ALMS1: variants seen among roughly 807,000 people sequenced by gnomAD.
ALMS1 encodes centrosome-associated protein ALMS1.
Under a neutral mutation model 352.2 loss-of-function variants are expected in ALMS1, and 271 were observed. The observed-to-expected ratio is 0.77, with a 90% CI of 0.70 to 0.85. ALMS1 has a LOEUF of 0.85. Ranked by LOEUF, ALMS1 falls within the 40% of genes least tolerant of loss-of-function variation. The pLI is 0.00. For synonymous variants in ALMS1, 1,865 were observed against 1,761.2 expected (o/e 1.06, Z -1.48); for missense variants, 5,445 against 4,870.7 (o/e 1.12, Z -3.51).
chr2:73,468,030 A>G (rs1265320418), intron 9 of ALMS1, among the ~76,000 whole-genome samples: 2 of 152,062 alleles, frequency 1.3e-5, no homozygotes, highest in Non-Finnish European at 2.9e-5. Context: ...GTCATCACAT[A>G]TAAAAAATAA....
chr2:73,470,365 G>GT (rs1158047936), intron 9 of ALMS1: 1 of 151,498 alleles, frequency 6.6e-6, no homozygotes, highest in East Asian at 1.9e-4. Context: ...GCTTCATCCT[G>GT]TAAGTGTTCA....
rs1324479976 is a variant in ALMS1, at chr2:73,451,368, C to T, written c.4841C>T (p.Pro1614Leu). The T allele has an allele frequency of 6.2e-7, 1 of 1,613,984 alleles. No individual in the cohort carries two copies. Residue 1614 changes from proline to leucine, a missense_variant, in exon 8 of 23, where the codon CCT (proline) becomes CTT (leucine). Physicochemically the swap from Pro to Leu is moderately conservative, Grantham distance 98 (BLOSUM62 -3). Transcript: ENST00000613296. ...AAAAAGACTGACATACCAGCAGGAC[C>T]TTTAGGTTCCAGTGCACTTGGAGAG... ...TEKKTDIPAG[P>L]LGSSALGEKP...
At chr2:73,484,649 G>A (rs1417317398) in intron 9 of ALMS1, among the ~76,000 whole-genome samples, 1 of 151,834 alleles carries the variant, frequency 6.6e-6, no homozygotes, top group African/African-American at 2.4e-5. Context: ...AAGTTCTCCT[G>A]GATAATATCC....
intron 7 of ALMS1, among the ~76,000 whole-genome samples, chr2:73,437,801 G>A (rs1194127609): frequency 6.6e-6 from 1 of 152,116 alleles, no homozygotes; most frequent in East Asian, 1.9e-4. Context: ...TGCCAGATAT[G>A]CCCTCTACTC....
chr2:73,600,899 G>A lies in ALMS1; in HGVS notation c.11872+18G>A, dbSNP rs139647347. 7.9e-3 allele frequency: 12,693 copies of A among 1,608,876 alleles called. 80 individuals carry two copies. Among genetic ancestry groups the A allele is most frequent in the South Asian group, 0.013 (1,183 of 90,570 alleles). On this transcript the variant is annotated intron_variant, in intron 18 of 22. Coordinates refer to ENST00000613296, the MANE Select transcript of ALMS1 (RefSeq NM_001378454.1). ...CCATGAAGGTCAGTTTCTCATTCCA[G>A]ATCTTGTAGTAGAGAAACTAGTGAA...
At position 73,603,297 on chromosome 2, in the gene ALMS1, T is replaced by G. The variant is rs372734481; in HGVS notation, c.12355T>G (p.Ser4119Ala). Residue 4119 changes from serine (S) to alanine (A), a missense_variant, in exon 21 of 23, where the codon TCC becomes GCC. Ser to Ala is a moderately conservative substitution (Grantham distance 99). Coordinates refer to ENST00000613296, the MANE Select transcript of ALMS1 (RefSeq NM_001378454.1). ...CAGCAAGAAGGAAATGATTCAGAGG[T>G]CCAAACGGTAAGACCAAGAAAACAA... is the stretch of plus-strand genomic sequence containing the variant. ...PISKKEMIQR[S>A]KRIYEQLPEV... is the part of the protein sequence containing the mutation. 1.2e-6 allele frequency: 2 copies of G among 1,613,832 alleles called. No homozygotes were observed. The highest frequency in any genetic ancestry group is 2.7e-5 in the African/African-American group (2 of 74,850).
At chr2:73,520,236 C>G (rs1291685417) in intron 11 of ALMS1, among the ~76,000 whole-genome samples, 1 of 152,152 alleles carries the variant, frequency 6.6e-6, no homozygotes, top group Non-Finnish European at 1.5e-5. Flanking sequence ...AGAACTCATG[C>G]TGTTTGTGTT....
Position 73,451,059 on chromosome 2 carries a change from A to G in ALMS1, c.4532A>G (p.Gln1511Arg), listed in dbSNP as rs1316214361. The G allele has an allele frequency of 6.2e-7, 1 of 1,613,946 alleles. No individual in the cohort carries two copies. Among genetic ancestry groups the G allele is most frequent in the African/African-American group, 1.3e-5 (1 of 74,956 alleles). ...TCAGTTGCTCCTGGACCAGTTGGCCAGACAACTGGCGCACCAACTATAACC... is the reference window on the plus strand; with the variant it reads ...TCAGTTGCTCCTGGACCAGTTGGCCGGACAACTGGCGCACCAACTATAACC... ...KVSVAPGPVG[Q>R]TTGAPTITSP... The change falls in exon 8 of 23, where the codon CAG becomes CGG. Residue 1511 changes from glutamine to arginine, a missense_variant. Gln to Arg is a conservative substitution (Grantham distance 43, BLOSUM62 1). Transcript: ENST00000613296.
chr2:73,571,020 A>G (rs1471013972), intron 15 of ALMS1, among the ~76,000 whole-genome samples: 1 of 152,094 alleles, frequency 6.6e-6, no homozygotes, highest in Non-Finnish European at 1.5e-5. Flanking sequence ...ATTTGTTTGC[A>G]TTTGTTCAGT....
Position 73,450,261 on chromosome 2 carries a change from C to G in ALMS1, c.3734C>G (p.Pro1245Arg), listed in dbSNP as rs1558648928. 1.2e-6 allele frequency: 2 copies of G among 1,614,054 alleles called. No individual in the cohort carries two copies. Among genetic ancestry groups the G allele is most frequent in the African/African-American group, 2.7e-5 (2 of 75,022 alleles). ...TSASYSHTEK[P>R]GIFYQQVLPD... ...GCTTCTTACTCACACACAGAGAAGC[C>G]TGGTATTTTCTACCAACAGGTCTTG... is the stretch of plus-strand genomic sequence containing the variant. The change falls in exon 8 of 23, where the codon CCT (proline) becomes CGT (arginine). Residue 1245 changes from proline (P) to arginine (R), a missense_variant. Physicochemically the swap from Pro to Arg is moderately radical, Grantham distance 103. Transcript: ENST00000613296.
intron 10 of ALMS1, among the ~76,000 whole-genome samples, chr2:73,516,344 G>T (rs541610170): frequency 2.2e-4 from 33 of 152,126 alleles, no homozygotes; most frequent in African/African-American, 7.0e-4. Context: ...GTACACTGTT[G>T]GTGGGAACAT....
Position 73,490,469 on chromosome 2 carries a change from A to G in ALMS1, c.8510A>G (p.Gln2837Arg), listed in dbSNP as rs1426365142. 1 of 1,614,198 alleles carries G rather than the reference A, an allele frequency of 6.2e-7. No homozygotes were observed. Among genetic ancestry groups the G allele is most frequent in the South Asian group, 1.1e-5 (1 of 91,078 alleles). The change falls in exon 10 of 23, where the codon CAG (glutamine) becomes CGG (arginine). Residue 2837 changes from glutamine to arginine, a missense_variant. Gln to Arg is a conservative substitution (Grantham distance 43). Coordinates refer to ENST00000613296, the MANE Select transcript of ALMS1 (RefSeq NM_001378454.1). ...RANCSNFKEI[Q>R]ISDNHTLISM... The stretch of plus-strand genomic sequence containing the variant: ...AATTGTAGCAATTTCAAGGAAATTC[A>G]GATTTCTGATAACCATACCCTTATT...
rs35273932 is a variant in ALMS1 at position 73,512,721 on chromosome 2, G to T, written c.9540-7054G>T. On this transcript the variant is annotated intron_variant, in intron 10 of 22. Coordinates refer to ENST00000613296, the MANE Select transcript of ALMS1 (RefSeq NM_001378454.1). ...GCTCAAAATACAGATTTGGTGGCCG[G>T]TGGCAGCCCCTTCAAGCTGGCTCTA... Among the ~76,000 whole-genome samples the T allele has an allele frequency of 7.0e-3, 1,065 of 152,214 alleles. 3 individuals carry two copies. Among genetic ancestry groups the T allele is most frequent in the Non-Finnish European group, 0.011 (741 of 68,006 alleles).
intron 11 of ALMS1, among the ~76,000 whole-genome samples, chr2:73,523,247 A>T (rs1223539132): frequency 6.6e-6 from 1 of 152,172 alleles, no homozygotes; most frequent in East Asian, 1.9e-4. Context: ...TAGCTTGCTC[A>T]CTTTATTTAT....
chr2:73,607,443 C>G (rs1048087931), intron 21 of ALMS1, among the ~76,000 whole-genome samples: 1 of 152,206 alleles, frequency 6.6e-6, no homozygotes, highest in Middle Eastern at 3.4e-3. Context: ...AGAACAGATC[C>G]CATGTTTTTC....
intron 9 of ALMS1, among the ~76,000 whole-genome samples, chr2:73,466,974 C>A (rs1227263840): frequency 6.6e-6 from 1 of 151,874 alleles, no homozygotes; most frequent in Non-Finnish European, 1.5e-5. Flanking sequence ...CTATAATAAC[C>A]CTGTCCCCTA....
intron 16 of ALMS1, among the ~76,000 whole-genome samples, chr2:73,594,790 T>C (rs1675510746): frequency 6.6e-6 from 1 of 152,226 alleles, no homozygotes; most frequent in South Asian, 2.1e-4. Flanking sequence ...TTTCCTGATG[T>C]GTTTTTTCTC....
intron 9 of ALMS1, among the ~76,000 whole-genome samples, chr2:73,488,445 C>T (rs1672902166): frequency 6.6e-6 from 1 of 152,202 alleles, no homozygotes; most frequent in African/African-American, 2.4e-5. Context: ...TCTGAGCCTG[C>T]AGGGGCAGGG....
At chr2:73,442,691 G>T (rs984568231) in intron 7 of ALMS1, among the ~76,000 whole-genome samples, 3 of 152,184 alleles carry the variant, frequency 2.0e-5, no homozygotes, top group African/African-American at 7.2e-5. Flanking sequence ...ATCAGGTAGT[G>T]ACATAGTAGG....
Sources: gnomAD v4.1 joint callset for allele counts (sites outside exome capture counted in the v4.1 genomes callset) on GRCh38, gnomAD v4.1.1 for gene constraint, MANE v1.5 for transcripts, NCBI Gene and HGNC (gene_info 2026-07-23, HGNC 2026-07-21) for gene names.